The following CMIP variants were observed in gnomAD, a reference collection of about 807,000 sequenced individuals.
CMIP encodes the protein C-Maf-inducing protein.
A neutral mutation model predicts 97.3 loss-of-function variants in CMIP; 13 were observed. That is an observed-to-expected ratio of 0.13 (90% CI 0.09 to 0.21). The LOEUF (loss-of-function observed/expected upper bound fraction) is 0.21, where lower values mean the gene tolerates loss of function less well. CMIP is among the 10% of genes least tolerant of loss of function. The probability of loss-of-function intolerance (pLI) is 1.00; values close to 1 mark genes in which losing one functional copy is unlikely to be tolerated. For synonymous variants in CMIP, 538 were observed against 436.3 expected (o/e 1.23, Z -2.91); for missense variants, 847 against 1,024.9 (o/e 0.83, Z 2.37).
chr16:81,486,589 C>T (rs147564587), intron 1 of CMIP, among the ~76,000 whole-genome samples: 140 of 152,340 alleles, frequency 9.2e-4, no homozygotes, highest in African/African-American at 3.2e-3. Context: ...CCTCCAGTCC[C>T]GCAGAGTTTC....
At chr16:81,705,294 A>G (rs1184807881) in intron 18 of CMIP, among the ~76,000 whole-genome samples, 1 of 152,214 alleles carries the variant, frequency 6.6e-6, no homozygotes, top group Non-Finnish European at 1.5e-5. Context: ...TCCACTCCCA[A>G]CAGCAGAAGC....
At chr16:81,565,004 C>A (rs2090954055) in intron 1 of CMIP, among the ~76,000 whole-genome samples, 2 of 150,970 alleles carry the variant, frequency 1.3e-5, no homozygotes, top group Non-Finnish European at 3.0e-5. Context: ...CAGGGGTCTC[C>A]AGAGGGGGTT....
chr16:81,599,995 T>C (rs1462690328), intron 1 of CMIP, among the ~76,000 whole-genome samples: 1 of 151,904 alleles, frequency 6.6e-6, no homozygotes, highest in Non-Finnish European at 1.5e-5. Flanking sequence ...TAAAAAAAGA[T>C]ATATGGCAGC....
intron 1 of CMIP, among the ~76,000 whole-genome samples, chr16:81,525,504 C>G (rs957561408): frequency 1.5e-4 from 23 of 152,008 alleles, no homozygotes; most frequent in Non-Finnish European, 3.2e-4. Flanking sequence ...GTAAGGTTTA[C>G]CATTTTAAAT....
chr16:81,588,217 G>T (rs1327461926), intron 1 of CMIP, among the ~76,000 whole-genome samples: 1 of 152,200 alleles, frequency 6.6e-6, no homozygotes, highest in Non-Finnish European at 1.5e-5. Context: ...CTCTGTTGAG[G>T]TAGCAGAAAG....
intron 1 of CMIP, among the ~76,000 whole-genome samples, chr16:81,501,418 T>C (rs560130221): frequency 6.6e-6 from 1 of 152,156 alleles, no homozygotes; most frequent in Non-Finnish European, 1.5e-5. Context: ...TGCCACGCAT[T>C]GTATCGGGCT....
At chr16:81,604,396 C>CA (rs886259734) in intron 1 of CMIP, among the ~76,000 whole-genome samples, 9,583 of 58,348 alleles carry the variant, frequency 0.16, 588 homozygotes, top group East Asian at 0.28. Flanking sequence ...AACTCTGTCT[C>CA]AAAAAAAAAA....
At chr16:81,537,400 T>C (rs945986760) in intron 1 of CMIP, among the ~76,000 whole-genome samples, 1 of 150,888 alleles carries the variant, frequency 6.6e-6, no homozygotes, top group Non-Finnish European at 1.5e-5. Flanking sequence ...CCAGGCATGG[T>C]GGCACGCACC....
intron 1 of CMIP, among the ~76,000 whole-genome samples, chr16:81,578,865 C>T (rs375525188): frequency 2.6e-4 from 39 of 152,206 alleles, no homozygotes; most frequent in African/African-American, 8.7e-4. Context: ...CTTGCTGCCC[C>T]GGAGACCTGG....
At chr16:81,661,570 C>G (rs1213816986) in intron 6 of CMIP, among the ~76,000 whole-genome samples, 1 of 152,358 alleles carries the variant, frequency 6.6e-6, no homozygotes, top group East Asian at 1.9e-4. Flanking sequence ...TGCTGCCCCG[C>G]TCAGCTGGTC....
In CMIP at chr16:81,564,886, G is replaced by A. The variant is rs138773204; in HGVS notation, c.301-42681G>A. Among the ~76,000 whole-genome samples the A allele has an allele frequency of 1.8e-3, 278 of 152,284 alleles. 1 individual carries two copies. The highest frequency in any genetic ancestry group is 6.4e-3 in the African/African-American group (267 of 41,562). ...ATGAATTCGCAGAGGAGAACATGCG[G>A]GGAAGAAGGCATCCTTGGAATGAGT... On this transcript the variant is annotated intron_variant, in intron 1 of 20. Transcript: ENST00000537098.
At chr16:81,624,476 G>A (rs1275905606) in intron 3 of CMIP, among the ~76,000 whole-genome samples, 2 of 146,512 alleles carry the variant, frequency 1.4e-5, no homozygotes, top group African/African-American at 2.6e-5. Context: ...GCGAAAGTGC[G>A]AGACTCCGTC....
intron 10 of CMIP, among the ~76,000 whole-genome samples, chr16:81,680,365 G>T (rs1330452037): frequency 6.6e-6 from 1 of 152,212 alleles, no homozygotes; most frequent in African/African-American, 2.4e-5. Context: ...AGGCACCCTG[G>T]GGTGCCCCCT....
chr16:81,512,682 T>G (rs76849832), intron 1 of CMIP, among the ~76,000 whole-genome samples: 1 of 152,148 alleles, frequency 6.6e-6, no homozygotes, highest in African/African-American at 2.4e-5. Context: ...AAATTTATAT[T>G]TGATGAATTT....
chr16:81,534,829 C>A (rs932801355), intron 1 of CMIP, among the ~76,000 whole-genome samples: 6 of 152,150 alleles, frequency 3.9e-5, no homozygotes, highest in Non-Finnish European at 7.4e-5. Flanking sequence ...TAAAATATTG[C>A]TATTATCAGA....
chr16:81,450,378 T>C (rs1293564995), intron 1 of CMIP, among the ~76,000 whole-genome samples: 3 of 152,202 alleles, frequency 2.0e-5, no homozygotes, highest in Admixed American at 6.5e-5. Context: ...GGGTGCAGTT[T>C]CCTGGCTGTG....
At chr16:81,462,266 G>T (rs1160945687) in intron 1 of CMIP, among the ~76,000 whole-genome samples, 1 of 152,164 alleles carries the variant, frequency 6.6e-6, no homozygotes, top group Non-Finnish European at 1.5e-5. Flanking sequence ...CTAGATTTGG[G>T]AATGACATAC....
chr16:81,669,906 G>C (rs1383536658), intron 7 of CMIP, among the ~76,000 whole-genome samples: 7 of 152,208 alleles, frequency 4.6e-5, no homozygotes, highest in Non-Finnish European at 1.0e-4. Flanking sequence ...TTTCTCTACA[G>C]CCAGAAGCAC....
chr16:81,606,439 C>T, intron 1 of CMIP, among the ~76,000 whole-genome samples: 1 of 152,168 alleles, frequency 6.6e-6, no homozygotes. Flanking sequence ...GCCAAAGTGA[C>T]AAGGACACCC....
Sources: allele counts gnomAD v4.1 joint callset (sites outside exome capture counted in the v4.1 genomes callset), GRCh38; gene constraint gnomAD v4.1.1; transcripts MANE v1.5; gene names NCBI Gene and HGNC (gene_info 2026-07-23, HGNC 2026-07-21).